The following NAALADL2 variants were observed in gnomAD, a reference collection of about 807,000 sequenced individuals.
NAALADL2 encodes the protein inactive N-acetylated-alpha-linked acidic dipeptidase-like protein 2.
Under a neutral mutation model 87.2 loss-of-function variants are expected in NAALADL2, and 76 were observed. The ratio of observed to expected loss-of-function variants is 0.87; its 90% CI spans 0.72 to 1.05. The LOEUF (loss-of-function observed/expected upper bound fraction) is 1.05. Ranked by LOEUF, NAALADL2 falls within the 50% of genes least tolerant of loss-of-function variation. The pLI is 0.00. For missense variants in NAALADL2, 1,089 were observed against 945.8 expected (o/e 1.15, Z -1.99); for synonymous variants, 354 against 331.0 (o/e 1.07, Z -0.75).
chr3:175,210,473 ATG>A (rs1741606290), intron 2 of NAALADL2, among the ~76,000 whole-genome samples: 3 of 151,730 alleles, frequency 2.0e-5, no homozygotes, highest in African/African-American at 7.2e-5. Flanking sequence ...TATGTGTTGT[ATG>A]TGTGTTCTAG....
chr3:175,443,438 A>G (rs1234652508), intron 5 of NAALADL2, among the ~76,000 whole-genome samples: 1 of 152,180 alleles, frequency 6.6e-6, no homozygotes, highest in East Asian at 1.9e-4. Context: ...AAGACTTTTT[A>G]TCTACAAAAC....
At chr3:175,202,294 G>A (rs569415819) in intron 2 of NAALADL2, among the ~76,000 whole-genome samples, 9 of 152,206 alleles carry the variant, frequency 5.9e-5, no homozygotes, top group African/African-American at 2.2e-4. Context: ...TCCAGACAAG[G>A]CAGTTCTGTT....
At chr3:175,298,246 T>C (rs1165618711) in intron 4 of NAALADL2, among the ~76,000 whole-genome samples, 1 of 152,138 alleles carries the variant, frequency 6.6e-6, no homozygotes, top group Non-Finnish European at 1.5e-5. Flanking sequence ...CATGGTGACC[T>C]TGAGGAGCAA....
In NAALADL2 at chr3:175,183,229, C is replaced by T. The variant is rs142299115; in HGVS notation, c.546-50702C>T. ...TTCATTATACTGATCTTTTGCCTCCCGGTTAGATTTATTCCTAAGTATTTT... is the reference window on the plus strand; with the variant it reads ...TTCATTATACTGATCTTTTGCCTCCTGGTTAGATTTATTCCTAAGTATTTT... On this transcript the variant is annotated intron_variant, in intron 2 of 13. Coordinates refer to ENST00000454872, the MANE Select transcript of NAALADL2 (RefSeq NM_207015.3). Among the ~76,000 whole-genome samples, 212 of 141,900 alleles carry T rather than the reference C, an allele frequency of 1.5e-3. 1 individual carries two copies. Among genetic ancestry groups the T allele is most frequent in the African/African-American group, 5.2e-3 (202 of 39,134 alleles). The allele number at this position is 141,900 out of a possible 152,430, so 93.1% of individuals were successfully genotyped here. A position where few individuals can be genotyped will look rare whatever the true frequency, so the allele number is the denominator to read the frequency against.
chr3:174,997,058 A>ATATT (rs1380601011), intron 1 of NAALADL2, among the ~76,000 whole-genome samples: 1 of 125,998 alleles, frequency 7.9e-6, no homozygotes, highest in South Asian at 2.5e-4. Context: ...ATATATATAT[A>ATATT]TTTTTTTTTT....
chr3:175,491,955 A>G (rs1329396156), intron 9 of NAALADL2, among the ~76,000 whole-genome samples: 1 of 152,150 alleles, frequency 6.6e-6, no homozygotes, highest in Non-Finnish European at 1.5e-5. Context: ...TACTTTTGAT[A>G]TTTTCTGACC....
intron 1 of NAALADL2, among the ~76,000 whole-genome samples, chr3:175,022,804 T>C (rs1289948781): frequency 6.6e-6 from 1 of 151,980 alleles, no homozygotes; most frequent in Admixed American, 6.6e-5. Context: ...TCAAAGCACA[T>C]ATTCCACCTG....
At chr3:175,770,839 C>A (rs1480009665) in intron 13 of NAALADL2, among the ~76,000 whole-genome samples, 1 of 152,128 alleles carries the variant, frequency 6.6e-6, no homozygotes, top group Non-Finnish European at 1.5e-5. Flanking sequence ...AATATAGGCA[C>A]CAAATGTTAA....
chr3:174,961,913 T>G (rs1742059235), intron 1 of NAALADL2, among the ~76,000 whole-genome samples: 1 of 152,042 alleles, frequency 6.6e-6, no homozygotes, highest in Non-Finnish European at 1.5e-5. Flanking sequence ...TTGGTCCCAG[T>G]AATCCTGGGA....
At chr3:175,686,377 C>A (rs1240526352) in intron 11 of NAALADL2, among the ~76,000 whole-genome samples, 1 of 152,072 alleles carries the variant, frequency 6.6e-6, no homozygotes, top group Admixed American at 6.6e-5. Flanking sequence ...TATTTGCAGA[C>A]TTCAGAAGTG....
intron 1 of NAALADL2, 134 bp downstream of exon 1, chr3:174,859,584 T>C: frequency 1.5e-6 from 1 of 656,898 alleles, no homozygotes; most frequent in Non-Finnish European, 2.7e-6. Flanking sequence ...CTGGCCCTGT[T>C]TTTAAGGTGT....
intron 9 of NAALADL2, among the ~76,000 whole-genome samples, chr3:175,505,481 G>A (rs1426627474): frequency 6.6e-6 from 1 of 151,984 alleles, no homozygotes; most frequent in Non-Finnish European, 1.5e-5. Context: ...CATAGCAAAA[G>A]ATAAAAAGAA....
At chr3:175,254,290 T>C (rs1749554813) in intron 3 of NAALADL2, among the ~76,000 whole-genome samples, 1 of 152,190 alleles carries the variant, frequency 6.6e-6, no homozygotes. Flanking sequence ...GCAAGACCTT[T>C]CACTAGCAAA....
chr3:175,163,285 C>T (rs76548437), intron 2 of NAALADL2, among the ~76,000 whole-genome samples: 1 of 151,906 alleles, frequency 6.6e-6, no homozygotes, highest in Non-Finnish European at 1.5e-5. Flanking sequence ...ATTATGTCTG[C>T]TTTTTTACAT....
At chr3:174,854,538 A>T (rs545757505), upstream of NAALADL2, among the ~76,000 whole-genome samples, 154 of 152,304 alleles carry the variant, frequency 1.0e-3, no homozygotes, top group African/African-American at 3.6e-3. Context: ...GTGAAATTGT[A>T]ATGATTTTAA....
At chr3:175,476,365 AC>A (rs1408565780) in intron 9 of NAALADL2, among the ~76,000 whole-genome samples, 1 of 152,144 alleles carries the variant, frequency 6.6e-6, no homozygotes, top group Non-Finnish European at 1.5e-5. Flanking sequence ...TTATAATTTT[AC>A]CAAGAACTTC....
chr3:175,799,970 G>C (rs1292424412), intron 13 of NAALADL2, among the ~76,000 whole-genome samples: 3 of 152,128 alleles, frequency 2.0e-5, no homozygotes, highest in African/African-American at 7.2e-5. Context: ...AATTTTCCGA[G>C]TATACAGGGG....
intron 5 of NAALADL2, among the ~76,000 whole-genome samples, chr3:175,395,618 C>G (rs1560484982): frequency 6.6e-6 from 1 of 152,174 alleles, no homozygotes; most frequent in African/African-American, 2.4e-5. Context: ...TTCAATATGA[C>G]CACATGCCTG....
chr3:175,786,588 G>A (rs1278461156), intron 13 of NAALADL2, among the ~76,000 whole-genome samples: 2 of 152,050 alleles, frequency 1.3e-5, no homozygotes, highest in Admixed American at 6.5e-5. Flanking sequence ...GGTTATTCTA[G>A]TTATACATTC....
Sources: allele counts gnomAD v4.1 joint callset (sites outside exome capture counted in the v4.1 genomes callset), GRCh38; gene constraint gnomAD v4.1.1; transcripts MANE v1.5; gene names NCBI Gene and HGNC (gene_info 2026-07-23, HGNC 2026-07-21).